The following PPFIBP2 variants were observed in gnomAD, a reference collection of about 807,000 sequenced individuals.
PPFIBP2 encodes liprin-beta-2.
PPFIBP2 carries 118 observed loss-of-function variants against 118.3 expected under a neutral mutation model. The observed-to-expected ratio is 1.00, with a 90% CI of 0.86 to 1.16. PPFIBP2 has a LOEUF of 1.16. PPFIBP2 is among the 50% of genes most tolerant of loss of function. The probability of loss-of-function intolerance (pLI) is 0.00; values close to 1 mark genes in which losing one functional copy is unlikely to be tolerated. For missense variants in PPFIBP2, 1,195 were observed against 1,073.1 expected (o/e 1.11, Z -1.59); for synonymous variants, 414 against 397.4 (o/e 1.04, Z -0.50).
intron 3 of PPFIBP2, among the ~76,000 whole-genome samples, chr11:7,573,610 T>G (rs1013267142): frequency 3.9e-5 from 6 of 152,360 alleles, no homozygotes; most frequent in African/African-American, 1.4e-4. Flanking sequence ...TGTACTGATC[T>G]ATTTTGGAGG....
intron 2 of PPFIBP2, among the ~76,000 whole-genome samples, chr11:7,556,573 T>C (rs889016474): frequency 2.6e-5 from 4 of 152,274 alleles, no homozygotes; most frequent in African/African-American, 9.6e-5. Flanking sequence ...TTTTTTCAGT[T>C]GATAGCATTT....
At chr11:7,655,448 G>A (rs1214934042), downstream of PPFIBP2, 22 of 1,289,692 alleles carry the variant, frequency 1.7e-5, no homozygotes, top group African/African-American at 7.6e-5. Flanking sequence ...ACCTTCGGAA[G>A]GTACCGTGAC....
At chr11:7,638,855 C>T (rs1418189143) in intron 14 of PPFIBP2, among the ~76,000 whole-genome samples, 1 of 152,130 alleles carries the variant, frequency 6.6e-6, no homozygotes, top group Non-Finnish European at 1.5e-5. Flanking sequence ...TCTTTGGGAC[C>T]TTTCCATGGC....
At chr11:7,606,707 T>C (rs1169601958) in intron 5 of PPFIBP2, among the ~76,000 whole-genome samples, 1 of 152,116 alleles carries the variant, frequency 6.6e-6, no homozygotes, top group Non-Finnish European at 1.5e-5. Flanking sequence ...GTGAAAATAT[T>C]GTCTTCATCA....
the PPFIBP2 span, among the ~76,000 whole-genome samples, chr11:7,663,183 G>T: frequency 1.5e-5 from 2 of 132,088 alleles, no homozygotes; most frequent in Admixed American, 1.6e-4. Flanking sequence ...TTGTTCTGTT[G>T]TTGGTGAGGA....
At chr11:7,602,024 C>T (rs1165179321) in intron 5 of PPFIBP2, among the ~76,000 whole-genome samples, 5 of 138,082 alleles carry the variant, frequency 3.6e-5, no homozygotes, top group African/African-American at 5.6e-5. Flanking sequence ...ACCCGAGAGA[C>T]GGAGGTTGCA....
rs923816875 is a variant in PPFIBP2 at position 7,610,169 on chromosome 11, C to G, written c.487-122C>G. On this transcript the variant is annotated intron_variant, in intron 5 of 23. Transcript: ENST00000299492. ...TAATAGGCCTGTGACTCTCATGTAG[C>G]AGTCTCAATTCTGTGTTGTTGAACA... 4.0e-6 allele frequency: 5 copies of G among 1,237,110 alleles called. No individual in the cohort carries two copies. The Admixed American group carries it at 9.2e-5, about 23-fold the overall frequency. 76.6% of individuals were successfully genotyped at this position (1,237,110 alleles called of 1,614,324 possible). A position where few individuals can be genotyped will look rare whatever the true frequency, so the allele number is the denominator to read the frequency against.
At chr11:7,595,993 T>G (rs1198651076) in intron 4 of PPFIBP2, among the ~76,000 whole-genome samples, 7 of 151,976 alleles carry the variant, frequency 4.6e-5, no homozygotes, top group African/African-American at 1.7e-4. Context: ...AAAGGTCACA[T>G]TTTATGACCT....
intron 2 of PPFIBP2, among the ~76,000 whole-genome samples, chr11:7,553,484 C>G (rs997559071): frequency 2.6e-5 from 4 of 152,176 alleles, no homozygotes; most frequent in African/African-American, 7.2e-5. Context: ...ATTAGGATGG[C>G]TGAACCAAAT....
chr11:7,608,431 A>T (rs933969925), intron 5 of PPFIBP2, among the ~76,000 whole-genome samples: 1 of 152,136 alleles, frequency 6.6e-6, no homozygotes, highest in Admixed American at 6.5e-5. Context: ...ACTGGAGATC[A>T]GGAGTTCAAG....
intron 6 of PPFIBP2, among the ~76,000 whole-genome samples, chr11:7,618,602 T>C (rs1305275450): frequency 6.6e-6 from 1 of 152,200 alleles, no homozygotes; most frequent in Non-Finnish European, 1.5e-5. Context: ...CAGAGAATGA[T>C]TCTGGGTCTG....
Position 7,653,544 on chromosome 11 carries a change from A to G in PPFIBP2, c.*326A>G, listed in dbSNP as rs1261483505. The stretch of plus-strand genomic sequence containing the variant: ...GAACTTCGATGCAGGTCCAGAGACC[A>G]TGGACACTCCCACGAGGCTCAGCTC... On this transcript the variant is annotated 3_prime_UTR_variant, in exon 24 of 24. Transcript: ENST00000299492. The G allele has an allele frequency of 1.5e-6, 2 of 1,326,424 alleles. No homozygotes were observed. Among genetic ancestry groups the G allele is most frequent in the Non-Finnish European group, 2.0e-6 (2 of 1,013,714 alleles). 82.2% of individuals were successfully genotyped at this position (1,326,424 alleles called of 1,614,324 possible). A position where few individuals can be genotyped will look rare whatever the true frequency, so the allele number is the denominator to read the frequency against.
downstream of PPFIBP2, among the ~76,000 whole-genome samples, chr11:7,654,207 G>T (rs1052276872): frequency 3.3e-5 from 5 of 152,224 alleles, no homozygotes; most frequent in African/African-American, 9.6e-5. Flanking sequence ...TGGTCTGTCT[G>T]CTGGCAGAAC....
intron 1 of PPFIBP2, among the ~76,000 whole-genome samples, chr11:7,523,276 T>A (rs1564936149): frequency 6.6e-6 from 1 of 152,040 alleles, no homozygotes; most frequent in Non-Finnish European, 1.5e-5. Flanking sequence ...CAGGATGGAG[T>A]CTTGTCTTTG....
intron 12 of PPFIBP2, among the ~76,000 whole-genome samples, chr11:7,633,584 C>A (rs1004536318): frequency 6.6e-6 from 1 of 152,160 alleles, no homozygotes; most frequent in African/African-American, 2.4e-5. Context: ...GGTGTTGGGG[C>A]AGATGACCAC....
intron 1 of PPFIBP2, among the ~76,000 whole-genome samples, chr11:7,525,970 G>A (rs1052266262): frequency 6.6e-6 from 1 of 152,160 alleles, no homozygotes; most frequent in Non-Finnish European, 1.5e-5. Flanking sequence ...TGCTCAGAGG[G>A]CAGAGATGAA....
chr11:7,546,784 TCTC>T (rs1295682773), intron 1 of PPFIBP2, among the ~76,000 whole-genome samples: 16 of 152,330 alleles, frequency 1.1e-4, no homozygotes, highest in African/African-American at 3.4e-4. Flanking sequence ...GGAACAGCAT[TCTC>T]CTCCTCATCT....
At chr11:7,526,868 G>A (rs76503693) in intron 1 of PPFIBP2, among the ~76,000 whole-genome samples, 2,993 of 152,128 alleles carry the variant, frequency 0.02, 98 homozygotes, top group African/African-American at 0.067. Context: ...AGAAGTGACT[G>A]GACTGTGTAT....
At chr11:7,584,760 C>T (rs942628718) in intron 3 of PPFIBP2, among the ~76,000 whole-genome samples, 1 of 152,094 alleles carries the variant, frequency 6.6e-6, no homozygotes, top group African/African-American at 2.4e-5. Flanking sequence ...TTTTGGTCCC[C>T]TTACTTTTAA....
Sources: gnomAD v4.1 joint callset for allele counts (sites outside exome capture counted in the v4.1 genomes callset) on GRCh38, gnomAD v4.1.1 for gene constraint, MANE v1.5 for transcripts, NCBI Gene and HGNC (gene_info 2026-07-23, HGNC 2026-07-21) for gene names.